MPC1: variants seen among roughly 807,000 people sequenced by gnomAD.
The protein encoded by MPC1 is mitochondrial pyruvate carrier 1.
MPC1 carries 6 observed loss-of-function variants against 13.9 expected under a neutral mutation model. That is an observed-to-expected ratio of 0.43 (90% CI 0.24 to 0.85). MPC1 has a LOEUF of 0.85. Among genes scored for constraint, MPC1 ranks in the 40% least tolerant of loss-of-function variants. MPC1 has a pLI of 0.24. For synonymous variants in MPC1, 47 were observed against 50.5 expected (o/e 0.93, Z 0.29); for missense variants, 115 against 143.3 (o/e 0.80, Z 1.01).
At position 166,368,824 on chromosome 6, in the gene MPC1, C is replaced by A. The variant is rs1779269135; in HGVS notation, c.75+1394G>T. On this transcript the variant is annotated intron_variant, in intron 2 of 4. Transcript: ENST00000360961. ...ATCTTCCTTTTCCTCCTTTTTTGAC[C>A]AGGCCTTTCTCCACTTGGTCTATTT... The A allele has an allele frequency of 5.1e-6, 5 of 985,188 alleles. No individual in the cohort carries two copies. The African/African-American group carries it at 8.8e-5, about 17-fold the overall frequency. The allele number at this position is 985,188 out of a possible 1,614,324, so 61.0% of individuals were successfully genotyped here.
chr6:166,366,175 G>A, intron 3 of MPC1, 69 bp from the exon 4 acceptor site: 2 of 1,543,494 alleles, frequency 1.3e-6, no homozygotes, highest in Non-Finnish European at 1.8e-6. Flanking sequence ...GGACCACAGA[G>A]ATGAACAGTT....
In MPC1 at chr6:166,365,847, C is replaced by T. The variant is rs1779128559; in HGVS notation, c.305+127G>A. 4 of 1,241,066 alleles carry T rather than the reference C, an allele frequency of 3.2e-6. No individual in the cohort carries two copies. The highest frequency in any genetic ancestry group is 3.4e-5 in the South Asian group (2 of 58,254). 76.9% of individuals were successfully genotyped at this position (1,241,066 alleles called of 1,614,324 possible). A position where few individuals can be genotyped will look rare whatever the true frequency, so the allele number is the denominator to read the frequency against. ...CTTTCATGGTTTAGTAAGTTGTTTC[C>T]CCAACTGCTAAAGCGCATCTATACA... On this transcript the variant is annotated intron_variant, in intron 4 of 4. Transcript: ENST00000360961. This position sits in a 1 kb window ranked among gnomAD's most constrained non-coding sequence, Gnocchi z 4.2.
At chr6:166,374,901 C>T (rs185057776) in intron 1 of MPC1, among the ~76,000 whole-genome samples, 1 of 152,282 alleles carries the variant, frequency 6.6e-6, no homozygotes, top group Admixed American at 6.5e-5. Flanking sequence ...TTCTCCTCCT[C>T]CAATACTGTG....
rs1779506967 is a variant in MPC1 at position 166,374,694 on chromosome 6, C to T, written c.72-4473G>A. Reference sequence around the variant, plus strand: ...TTTGCTGAAAAGACTGTCTTTACTACATTGTTTTGCCTTTGCTCCTTTGTC... The same window carrying T: ...TTTGCTGAAAAGACTGTCTTTACTATATTGTTTTGCCTTTGCTCCTTTGTC... On this transcript the variant is annotated intron_variant, in intron 1 of 4. Transcript: ENST00000360961. Among the ~76,000 whole-genome samples, 6 of 152,316 alleles carry T rather than the reference C, an allele frequency of 3.9e-5. No individual in the cohort carries two copies. In the South Asian group the frequency reaches 1.2e-3, roughly 32 times the overall value.
At chr6:166,370,614 G>A (rs1237017979) in intron 1 of MPC1, among the ~76,000 whole-genome samples, 1 of 152,228 alleles carries the variant, frequency 6.6e-6, no homozygotes, top group East Asian at 1.9e-4. Context: ...AGCACTCTGG[G>A]AGGCTAAGGC....
rs1779172575 is a variant in MPC1, at chr6:166,366,799, T to C, written c.168A>G (p.Thr56=). The C allele has an allele frequency of 1.9e-6, 3 of 1,613,766 alleles. No homozygotes were observed. Among genetic ancestry groups the C allele is most frequent in the African/African-American group, 1.3e-5 (1 of 74,916 alleles). ...TATCCAAATCTGCATTCTTACCAAA[T>C]GTCATCCGCCCACTGATAATCTCTG... ...KSPEIISGRM[T]FALCCYSLTF... is the part of the protein sequence containing the mutation. The change falls in exon 3 of 5, where the codon ACA becomes ACG. Residue 56 remains threonine, a synonymous_variant. Coordinates refer to ENST00000360961, the MANE Select transcript of MPC1 (RefSeq NM_016098.4).
chr6:166,365,465 C>CA lies in MPC1; in HGVS notation c.306-13dup. 1 of 1,569,856 alleles carries CA rather than the reference C, an allele frequency of 6.4e-7. No homozygotes were observed. Among genetic ancestry groups the CA allele is most frequent in the Non-Finnish European group, 8.6e-7 (1 of 1,156,736 alleles). The stretch of plus-strand genomic sequence containing the variant: ...CCGTTTTAGTCATCCTGGAAAGAAA[C>CA]AAAAAGAAAAATTCAATGAGAAACA... On this transcript the variant is annotated splice_polypyrimidine_tract_variant and intron_variant, in intron 4 of 4. Transcript: ENST00000360961. The surrounding 1 kb of genome is among the most constrained non-coding windows in gnomAD (Gnocchi z 4.2).
At chr6:166,382,658 T>C (rs1779845794) in intron 1 of MPC1, 148 bp downstream of exon 1, 2 of 784,424 alleles carry the variant, frequency 2.5e-6, no homozygotes, top group South Asian at 4.3e-5. Context: ...GGGGCCCCCC[T>C]GACAAGCGCA....
At chr6:166,375,009 T>C (rs539018803) in intron 1 of MPC1, among the ~76,000 whole-genome samples, 2 of 152,358 alleles carry the variant, frequency 1.3e-5, no homozygotes, top group East Asian at 3.9e-4. Context: ...CTTTCACCTA[T>C]TCACTTAAAA....
chr6:166,367,131 C>T, intron 2 of MPC1: 1 of 1,336,616 alleles, frequency 7.5e-7, no homozygotes, highest in Non-Finnish European at 9.7e-7. Context: ...GGTTTGGCAG[C>T]TTCCCAAGGT....
chr6:166,367,232 T>G lies in MPC1; in HGVS notation c.76-341A>C, dbSNP rs1272524222. 2.9e-6 allele frequency: 3 copies of G among 1,045,392 alleles called. No homozygotes were observed. In the Admixed American group the frequency reaches 1.3e-4, roughly 46 times the overall value. The allele number at this position is 1,045,392 out of a possible 1,614,324, so 64.8% of individuals were successfully genotyped here. On this transcript the variant is annotated intron_variant, in intron 2 of 4. Transcript: ENST00000360961. ...AAAATAAGATTCACTTCTTACACAA[T>G]CCATTGTTGCTATAATTCAAACCCT...
intron 1 of MPC1, among the ~76,000 whole-genome samples, chr6:166,381,999 C>G (rs1018941056): frequency 3.9e-5 from 6 of 152,248 alleles, no homozygotes; most frequent in Non-Finnish European, 4.4e-5. Flanking sequence ...CTCCCGCTGG[C>G]GTCTCCCCAC....
intron 1 of MPC1, among the ~76,000 whole-genome samples, chr6:166,371,832 G>T (rs1052835677): frequency 6.6e-6 from 1 of 152,004 alleles, no homozygotes; most frequent in African/African-American, 2.4e-5. Context: ...TAATAAAATA[G>T]AATAATTATG....
chr6:166,376,135 T>A (rs1347422370), intron 1 of MPC1, among the ~76,000 whole-genome samples: 2 of 152,042 alleles, frequency 1.3e-5, no homozygotes, highest in African/African-American at 2.4e-5. Flanking sequence ...GATGTATAGC[T>A]ATAGATACAT....
intron 1 of MPC1, among the ~76,000 whole-genome samples, chr6:166,375,032 G>A (rs1016391996): frequency 6.6e-6 from 1 of 152,102 alleles, no homozygotes; most frequent in Non-Finnish European, 1.5e-5. Context: ...AGTACTTTAT[G>A]GCTTCTCTTT....
intron 1 of MPC1, among the ~76,000 whole-genome samples, chr6:166,375,883 A>T (rs1379463116): frequency 6.6e-6 from 1 of 152,150 alleles, no homozygotes; most frequent in Admixed American, 6.5e-5. Context: ...CAGTCTACTG[A>T]TGTTCATCAT....
At chr6:166,380,939 CAAAAAAAAA>C (rs1175434820) in intron 1 of MPC1, among the ~76,000 whole-genome samples, 1 of 47,728 alleles carries the variant, frequency 2.1e-5, no homozygotes, top group Non-Finnish European at 4.6e-5. Context: ...AACTCTGTCT[CAAAAAAAAA>C]AAAAAAAAAA....
At chr6:166,366,143 T>C (rs1208554497) in intron 3 of MPC1, 37 bp from the exon 4 acceptor site, 1 of 1,602,348 alleles carries the variant, frequency 6.2e-7, no homozygotes, top group South Asian at 1.1e-5. Flanking sequence ...ATCAATAACT[T>C]AGAAAACTGA....
intron 1 of MPC1, among the ~76,000 whole-genome samples, chr6:166,378,417 CATGT>C (rs1015836955): frequency 9.3e-5 from 8 of 86,322 alleles, no homozygotes; most frequent in African/African-American, 1.7e-4. Flanking sequence ...TATACAAATA[CATGT>C]GTGTGTGTGT....
Sources: gnomAD v4.1 joint callset for allele counts (sites outside exome capture counted in the v4.1 genomes callset) on GRCh38, gnomAD v4.1.1 for gene constraint, Gnocchi (gnomAD v3.1) non-coding constraint, MANE v1.5 for transcripts, NCBI Gene and HGNC (gene_info 2026-07-23, HGNC 2026-07-21) for gene names.